ADAM2: variants seen among roughly 807,000 people sequenced by gnomAD.
ADAM2 encodes the protein ADAM metallopeptidase domain 2.
A neutral mutation model predicts 99.3 loss-of-function variants in ADAM2; 101 were observed. The observed-to-expected ratio is 1.02, with a 90% CI of 0.87 to 1.20. The LOEUF is 1.20. Among genes scored for constraint, ADAM2 ranks in the 50% most tolerant of loss-of-function variants. The probability of loss-of-function intolerance (pLI) is 0.00; values close to 1 mark genes in which losing one functional copy is unlikely to be tolerated. For synonymous variants in ADAM2, 323 were observed against 287.6 expected, an observed-to-expected ratio of 1.12 and a Z score of -1.25; for missense variants, 948 against 878.7, an observed-to-expected ratio of 1.08 and a Z score of -1.00.
chr8:39,781,047 C>G (rs1473828223), intron 10 of ADAM2, among the ~76,000 whole-genome samples: 3 of 150,512 alleles, frequency 2.0e-5, no homozygotes, highest in Admixed American at 2.0e-4. Flanking sequence ...CTCGCACTCT[C>G]GCCCAGGCTG....
intron 2 of ADAM2, among the ~76,000 whole-genome samples, chr8:39,836,746 C>T (rs1348801298): frequency 2.0e-5 from 3 of 152,128 alleles, no homozygotes; most frequent in Non-Finnish European, 4.4e-5. Flanking sequence ...TAATATAACA[C>T]ATCATTAATT....
At chr8:39,772,655 T>C (rs1802828901) in intron 11 of ADAM2, among the ~76,000 whole-genome samples, 1 of 152,018 alleles carries the variant, frequency 6.6e-6, no homozygotes, top group South Asian at 2.1e-4. Context: ...AATCCCAATA[T>C]AGATCTCAAT....
At chr8:39,779,452 A>G (rs1803132503) in intron 10 of ADAM2, among the ~76,000 whole-genome samples, 1 of 152,162 alleles carries the variant, frequency 6.6e-6, no homozygotes, top group Non-Finnish European at 1.5e-5. Flanking sequence ...TTAAGGCTTC[A>G]ACATATGAAT....
intron 6 of ADAM2, among the ~76,000 whole-genome samples, chr8:39,809,758 G>T (rs1804614476): frequency 6.6e-6 from 1 of 152,034 alleles, no homozygotes; most frequent in African/African-American, 2.4e-5. Context: ...TACCAGGCCT[G>T]CCTTACAAGA....
intron 2 of ADAM2, among the ~76,000 whole-genome samples, chr8:39,834,250 G>A (rs1805728645): frequency 6.6e-6 from 1 of 151,994 alleles, no homozygotes. Context: ...TTGATTTTAT[G>A]ACCTGCAACT....
At chr8:39,755,414 C>A (rs1359946789) in intron 16 of ADAM2, among the ~76,000 whole-genome samples, 2 of 152,206 alleles carry the variant, frequency 1.3e-5, no homozygotes, top group Non-Finnish European at 2.9e-5. Flanking sequence ...GTGGCTCACG[C>A]CTGTAATCCC....
At chr8:39,756,017 C>T (rs897761056) in intron 15 of ADAM2, 106 bp from the exon 16 acceptor site, 3 of 589,124 alleles carry the variant, frequency 5.1e-6, no homozygotes, top group Non-Finnish European at 8.2e-6. Context: ...GGTTTGCAAG[C>T]TAATACATGC....
At chr8:39,820,637 C>T (rs1327205778) in intron 6 of ADAM2, among the ~76,000 whole-genome samples, 1 of 152,118 alleles carries the variant, frequency 6.6e-6, no homozygotes, top group Non-Finnish European at 1.5e-5. Context: ...ATAGGGGTGA[C>T]TCTCCTCAGG....
chr8:39,772,823 T>C lies in ADAM2; in HGVS notation c.1029-3248A>G, dbSNP rs1041028009. On this transcript the variant is annotated intron_variant, in intron 11 of 20. Coordinates refer to ENST00000265708, the MANE Select transcript of ADAM2 (RefSeq NM_001464.5). Reference sequence around the variant, plus strand: ...AATCCATAATCAAAACATCAAAACATGTGTCTAATATTTTGTATTTTAAAA... The same window carrying C: ...AATCCATAATCAAAACATCAAAACACGTGTCTAATATTTTGTATTTTAAAA... Among the ~76,000 whole-genome samples the C allele has an allele frequency of 6.6e-5, 10 of 152,062 alleles. No individual in the cohort carries two copies. The South Asian group carries it at 2.1e-3, about 31-fold the overall frequency.
chr8:39,822,410 A>C (rs1368723453), intron 4 of ADAM2, among the ~76,000 whole-genome samples: 2 of 152,192 alleles, frequency 1.3e-5, no homozygotes, highest in African/African-American at 4.8e-5. Flanking sequence ...TTTAAGTCAC[A>C]TAGGATAAAA....
chr8:39,793,981 A>C (rs933548177), intron 7 of ADAM2, among the ~76,000 whole-genome samples: 2 of 152,186 alleles, frequency 1.3e-5, no homozygotes, highest in Non-Finnish European at 2.9e-5. Flanking sequence ...CAATTGGAAA[A>C]GTGACAAATA....
intron 16 of ADAM2, among the ~76,000 whole-genome samples, chr8:39,753,428 A>G: frequency 7.5e-6 from 1 of 134,200 alleles, no homozygotes; most frequent in East Asian, 2.2e-4. Flanking sequence ...ATGCAATAGA[A>G]AAAAAAAAAA....
At chr8:39,812,008 T>A (rs1011897291) in intron 6 of ADAM2, among the ~76,000 whole-genome samples, 4 of 152,212 alleles carry the variant, frequency 2.6e-5, no homozygotes, top group African/African-American at 9.6e-5. Flanking sequence ...GCAGATGACA[T>A]GATTGTATAT....
intron 3 of ADAM2, among the ~76,000 whole-genome samples, chr8:39,828,320 T>A (rs911183521): frequency 6.6e-6 from 1 of 151,780 alleles, no homozygotes; most frequent in Non-Finnish European, 1.5e-5. Flanking sequence ...GTTAGAGATT[T>A]AAGGATCTAA....
chr8:39,787,470 C>T (rs1388517907), intron 9 of ADAM2, among the ~76,000 whole-genome samples: 1 of 151,176 alleles, frequency 6.6e-6, no homozygotes, highest in Non-Finnish European at 1.5e-5. Context: ...AAAAGCATGT[C>T]ATATTTATGG....
At chr8:39,769,841 C>T (rs547849623) in intron 11 of ADAM2, among the ~76,000 whole-genome samples, 1 of 152,260 alleles carries the variant, frequency 6.6e-6, no homozygotes, top group East Asian at 1.9e-4. Context: ...CTCCTATTTT[C>T]CAAAGTGCCC....
In ADAM2 at chr8:39,745,126, G is replaced by A. The variant is rs142662510; in HGVS notation, c.2175-233C>T. Among the ~76,000 whole-genome samples, 55 of 152,134 alleles carry A rather than the reference G, an allele frequency of 3.6e-4. No individual in the cohort carries two copies. In the East Asian group the frequency reaches 8.5e-3, roughly 23 times the overall value. ...AAAGCACAGTGATATATGTTTACCC[G>A]AAAAGAAACTTAGATCATTGTTATA... On this transcript the variant is annotated intron_variant, in intron 19 of 20. Transcript: ENST00000265708.
At chr8:39,824,742 T>G in intron 4 of ADAM2, 77 bp downstream of exon 4, 1 of 796,704 alleles carries the variant, frequency 1.3e-6, no homozygotes, top group Non-Finnish European at 2.2e-6. Flanking sequence ...CTTTAGACTC[T>G]AATAACATGT....
At chr8:39,799,620 T>C (rs1004451973) in intron 7 of ADAM2, among the ~76,000 whole-genome samples, 1 of 152,228 alleles carries the variant, frequency 6.6e-6, no homozygotes, top group Non-Finnish European at 1.5e-5. Flanking sequence ...ATCTGTCTAA[T>C]ACTGACAGTG....
Sources: allele counts gnomAD v4.1 joint callset (sites outside exome capture counted in the v4.1 genomes callset), GRCh38; gene constraint gnomAD v4.1.1; transcripts MANE v1.5; gene names NCBI Gene and HGNC (gene_info 2026-07-23, HGNC 2026-07-21).